The following IPCEF1 variants were observed in gnomAD, a reference collection of about 807,000 sequenced individuals.
IPCEF1 encodes interactor protein for cytohesin exchange factors 1.
Under a neutral mutation model 50.9 loss-of-function variants are expected in IPCEF1, and 31 were observed. That is an observed-to-expected ratio of 0.61 (90% confidence interval 0.46 to 0.82). The LOEUF (loss-of-function observed/expected upper bound fraction) is 0.82. Among genes scored for constraint, IPCEF1 ranks in the 40% least tolerant of loss-of-function variants. The probability of loss-of-function intolerance (pLI) is 0.00; values close to 1 mark genes in which losing one functional copy is unlikely to be tolerated. For synonymous variants in IPCEF1, 181 were observed against 192.0 expected, an observed-to-expected ratio of 0.94 and a Z score of 0.47; for missense variants, 458 against 514.0, an observed-to-expected ratio of 0.89 and a Z score of 1.05.
chr6:154,217,634 G>T (rs564428754), intron 7 of IPCEF1: 1 of 152,236 alleles, frequency 6.6e-6, no homozygotes. Context: ...TACGTTTTAT[G>T]TATTATTAAC....
At chr6:154,260,780 A>G (rs1460339498) in intron 3 of IPCEF1, among the ~76,000 whole-genome samples, 1 of 151,878 alleles carries the variant, frequency 6.6e-6, no homozygotes, top group African/African-American at 2.4e-5. Flanking sequence ...CGACCAGAGA[A>G]CTTTATAATC....
At chr6:154,330,987 T>C (rs1307415527) in intron 1 of IPCEF1, among the ~76,000 whole-genome samples, 1 of 152,142 alleles carries the variant, frequency 6.6e-6, no homozygotes, top group East Asian at 1.9e-4. Context: ...TGTCAAGTGA[T>C]AGTCAGGCAG....
At chr6:154,188,356 C>T (rs1801567833) in intron 10 of IPCEF1, among the ~76,000 whole-genome samples, 2 of 152,038 alleles carry the variant, frequency 1.3e-5, no homozygotes, top group Non-Finnish European at 2.9e-5. Context: ...GTAAGAAAGA[C>T]AAATAAATGG....
chr6:154,336,169 A>G (rs1183380349), intron 1 of IPCEF1, among the ~76,000 whole-genome samples: 1 of 152,234 alleles, frequency 6.6e-6, no homozygotes, highest in African/African-American at 2.4e-5. Context: ...ACTATTAGGT[A>G]CTTATCCAAA....
At chr6:154,277,568 A>C (rs1562576510) in intron 2 of IPCEF1, among the ~76,000 whole-genome samples, 1 of 152,206 alleles carries the variant, frequency 6.6e-6, no homozygotes, top group Non-Finnish European at 1.5e-5. Context: ...TAGAATCATA[A>C]ACTCAGAAAT....
intron 3 of IPCEF1, among the ~76,000 whole-genome samples, chr6:154,262,765 A>G (rs1781632705): frequency 7.7e-6 from 1 of 129,712 alleles, no homozygotes; most frequent in African/African-American, 2.8e-5. Context: ...ACATGCTTAT[A>G]ATCCTTTTTT....
chr6:154,214,168 C>G (rs1778194875), intron 8 of IPCEF1, 50 bp downstream of exon 8: 1 of 1,175,938 alleles, frequency 8.5e-7, no homozygotes, highest in Non-Finnish European at 1.3e-6. Flanking sequence ...CCTGTTTCAA[C>G]CTGTTCTAAT....
chr6:154,181,809 T>C (rs969742853), intron 10 of IPCEF1, among the ~76,000 whole-genome samples: 2 of 152,300 alleles, frequency 1.3e-5, no homozygotes, highest in South Asian at 2.1e-4. Flanking sequence ...GATTACCTTC[T>C]TGGGGACTTG....
chr6:154,254,401 GAGAA>G (rs1781410425), intron 3 of IPCEF1, among the ~76,000 whole-genome samples: 1 of 152,168 alleles, frequency 6.6e-6, no homozygotes, highest in African/African-American at 2.4e-5. Flanking sequence ...ATGGCAGCAG[GAGAA>G]AGAGAGAAGC....
At chr6:154,280,178 C>CT (rs776991085) in intron 2 of IPCEF1, among the ~76,000 whole-genome samples, 6 of 152,346 alleles carry the variant, frequency 3.9e-5, no homozygotes, top group Non-Finnish European at 8.8e-5. Flanking sequence ...TGCCCACAAC[C>CT]TTTACTCTAA....
chr6:154,338,362 G>A (rs1271194065), intron 1 of IPCEF1, among the ~76,000 whole-genome samples: 1 of 152,208 alleles, frequency 6.6e-6, no homozygotes, highest in African/African-American at 2.4e-5. Flanking sequence ...GGAACTGAGA[G>A]CCAAAGAGTT....
chr6:154,301,245 C>T (rs887163093), intron 1 of IPCEF1, among the ~76,000 whole-genome samples: 1 of 152,114 alleles, frequency 6.6e-6, no homozygotes. Flanking sequence ...TTGGACTCAG[C>T]TGAGATATGA....
intron 3 of IPCEF1, among the ~76,000 whole-genome samples, chr6:154,262,594 T>G (rs1781628133): frequency 6.6e-6 from 1 of 152,190 alleles, no homozygotes; most frequent in Non-Finnish European, 1.5e-5. Flanking sequence ...TTTCCAGTTC[T>G]TCTTAAACAT....
At chr6:154,219,943 G>A (rs1259415282) in intron 7 of IPCEF1, among the ~76,000 whole-genome samples, 2 of 151,826 alleles carry the variant, frequency 1.3e-5, no homozygotes, top group African/African-American at 2.4e-5. Context: ...GGACAGATGA[G>A]AGTCCTTCTA....
chr6:154,348,763 T>C (rs1215374946), intron 1 of IPCEF1, among the ~76,000 whole-genome samples: 1 of 152,170 alleles, frequency 6.6e-6, no homozygotes, highest in African/African-American at 2.4e-5. Context: ...TGACTTGCAC[T>C]CCCAGCGAAT....
intron 10 of IPCEF1, among the ~76,000 whole-genome samples, chr6:154,198,567 T>C (rs1405329353): frequency 6.6e-6 from 1 of 151,958 alleles, no homozygotes; most frequent in Non-Finnish European, 1.5e-5. Flanking sequence ...GTGACAACTG[T>C]TATAACTTGG....
At chr6:154,175,629 T>C (rs1353739899) in intron 10 of IPCEF1, among the ~76,000 whole-genome samples, 1 of 152,142 alleles carries the variant, frequency 6.6e-6, no homozygotes, top group African/African-American at 2.4e-5. Context: ...CAGGAAGAAG[T>C]TGAATCTCTG....
At chr6:154,304,672 ACAGT>A (rs371944419) in intron 1 of IPCEF1, among the ~76,000 whole-genome samples, 1 of 152,204 alleles carries the variant, frequency 6.6e-6, no homozygotes, top group African/African-American at 2.4e-5. Context: ...AAATCCATAG[ACAGT>A]CAGTTACCTA....
At position 154,159,464 on chromosome 6, in the gene IPCEF1, C is replaced by T; in HGVS notation, c.*364G>A. 4.3e-6 allele frequency: 1 copy of T among 230,202 alleles called. No individual in the cohort carries two copies. Among genetic ancestry groups the T allele is most frequent in the Non-Finnish European group, 8.3e-6 (1 of 119,972 alleles). 14.3% of individuals were successfully genotyped at this position (230,202 alleles called of 1,614,324 possible). A position where few individuals can be genotyped will look rare whatever the true frequency, so the allele number is the denominator to read the frequency against. On this transcript the variant is annotated 3_prime_UTR_variant, in exon 12 of 12. Coordinates refer to ENST00000367220, the MANE Select transcript of IPCEF1 (RefSeq NM_001130700.2). ...CTTCTTTTGAAAAACAGAATGTTTC[C>T]ATGGGCAATTACTCCTGGTAAAATT...
Sources: gnomAD v4.1 joint callset for allele counts (sites outside exome capture counted in the v4.1 genomes callset) on GRCh38, gnomAD v4.1.1 for gene constraint, MANE v1.5 for transcripts, NCBI Gene and HGNC (gene_info 2026-07-23, HGNC 2026-07-21) for gene names.